Variants in EFR3A observed in about 807,000 individuals in gnomAD.
The protein encoded by EFR3A is EFR3 homolog A, also known as protein EFR3 homolog A.
In EFR3A, 76 loss-of-function variants were observed where a neutral mutation model predicts 104.4. The ratio of observed to expected loss-of-function variants is 0.73; its 90% CI spans 0.60 to 0.88. EFR3A has a LOEUF of 0.88. Ranked by LOEUF, EFR3A falls within the 40% of genes least tolerant of loss-of-function variation. The pLI is 0.00. For missense variants in EFR3A, 985 were observed against 1,012.5 expected, an observed-to-expected ratio of 0.97 and a Z score of 0.37; for synonymous variants, 330 against 330.0, an observed-to-expected ratio of 1.00 and a Z score of 0.00.
In EFR3A at chr8:131,970,467, C is replaced by G; in HGVS notation, c.992-9C>G. The G allele has an allele frequency of 6.2e-7, 1 of 1,612,110 alleles. No individual in the cohort carries two copies. Among genetic ancestry groups the G allele is most frequent in the Non-Finnish European group, 8.5e-7 (1 of 1,178,792 alleles). ...ACATGTATCTTCTCACATAAGTGAT[C>G]CTTTATAGGTCCGACAGTGCTGGAA... is the stretch of plus-strand genomic sequence containing the variant. On this transcript the variant is annotated splice_polypyrimidine_tract_variant and intron_variant, in intron 9 of 22. Transcript: ENST00000254624.
chr8:131,919,449 T>C (rs1313141555), intron 1 of EFR3A, among the ~76,000 whole-genome samples: 1 of 151,892 alleles, frequency 6.6e-6, no homozygotes, highest in Non-Finnish European at 1.5e-5. Context: ...TACAAAAAAT[T>C]AGCCGGGTAT....
Position 131,976,152 on chromosome 8 carries a change from A to G in EFR3A, c.1274+11A>G. 1 of 1,456,574 alleles carries G rather than the reference A, an allele frequency of 6.9e-7. No homozygotes were observed. The highest frequency in any genetic ancestry group is 1.7e-4 in the Middle Eastern group (1 of 5,734). The allele number at this position is 1,456,574 out of a possible 1,614,324, so 90.2% of individuals were successfully genotyped here. ...TATCAGTCAACTAGGGTATGTTCTC[A>G]GACTGTAAATTTGAACTTAATCTTG... On this transcript the variant is annotated intron_variant, in intron 11 of 22. Transcript: ENST00000254624.
rs146942442 is a variant in EFR3A at position 131,984,278 on chromosome 8, T to C, written c.1715T>C (p.Ile572Thr). The change falls in exon 15 of 23, where the codon ATT (isoleucine) becomes ACT (threonine). Residue 572 changes from isoleucine (I) to threonine (T), a missense_variant. Coordinates refer to ENST00000254624, the MANE Select transcript of EFR3A (RefSeq NM_015137.6). ...AATGAAGAAGTAGTTATTGATCTCA[T>C]TCGACTGGCCATTGCTTTACAGGTA... Reference protein sequence around the residue: ...LANEEVVIDLIRLAIALQDSA... With the variant: ...LANEEVVIDLTRLAIALQDSA... 32 of 1,604,362 alleles carry C rather than the reference T, an allele frequency of 2.0e-5. No homozygotes were observed. The African/African-American group carries it at 2.8e-4, about 14-fold the overall frequency.
In EFR3A at chr8:131,985,152, G is replaced by A. The variant is rs549906780; in HGVS notation, c.1869+92G>A. On this transcript the variant is annotated intron_variant, in intron 16 of 22. Coordinates refer to ENST00000254624, the MANE Select transcript of EFR3A (RefSeq NM_015137.6). ...GATTATTTTTAACTTTGGTGATTAC[G>A]TATCAAATTAAGGTAATTCTATAAA... 5.0e-5 allele frequency: 63 copies of A among 1,268,980 alleles called. 1 individual carries two copies. The highest frequency in any genetic ancestry group is 4.0e-4 in the South Asian group (28 of 69,502). The allele number at this position is 1,268,980 out of a possible 1,614,324, so 78.6% of individuals were successfully genotyped here.
rs1447000024 is a variant in EFR3A, at chr8:131,976,932, A to C, written c.1275-109A>C. The stretch of plus-strand genomic sequence containing the variant: ...AGCCATGACTTAAACTGTTACAAAA[A>C]TAAAATCTATTTAGCCAATAAGAAT... On this transcript the variant is annotated intron_variant, in intron 11 of 22. Transcript: ENST00000254624. The C allele has an allele frequency of 6.8e-6, 5 of 735,402 alleles. No homozygotes were observed. In the Admixed American group the frequency reaches 1.3e-4, roughly 19 times the overall value. 45.6% of individuals were successfully genotyped at this position (735,402 alleles called of 1,614,324 possible). A position where few individuals can be genotyped will look rare whatever the true frequency, so the allele number is the denominator to read the frequency against.
chr8:131,907,348 A>T (rs933685566), intron 1 of EFR3A, among the ~76,000 whole-genome samples: 3 of 152,222 alleles, frequency 2.0e-5, no homozygotes, highest in Admixed American at 6.5e-5. Flanking sequence ...GTTCACAGAT[A>T]ACTTGCCTCA....
At chr8:131,944,024 C>T (rs1818300321) in intron 2 of EFR3A, among the ~76,000 whole-genome samples, 1 of 152,046 alleles carries the variant, frequency 6.6e-6, no homozygotes. Context: ...AAACACACAT[C>T]TATACAATTT....
At chr8:131,929,884 G>T (rs1170511205) in intron 1 of EFR3A, among the ~76,000 whole-genome samples, 1 of 152,060 alleles carries the variant, frequency 6.6e-6, no homozygotes, top group African/African-American at 2.4e-5. Context: ...AGTAAAGCTG[G>T]GTTGGAGAAT....
At chr8:131,971,963 A>C in intron 10 of EFR3A, among the ~76,000 whole-genome samples, 1 of 152,168 alleles carries the variant, frequency 6.6e-6, no homozygotes, top group African/African-American at 2.4e-5. Flanking sequence ...AATCATTTAT[A>C]ATTCTTGTCT....
intron 8 of EFR3A, among the ~76,000 whole-genome samples, chr8:131,960,858 G>C (rs532404344): frequency 1.3e-5 from 2 of 152,078 alleles, no homozygotes; most frequent in Admixed American, 1.3e-4. Flanking sequence ...TCACTATTAG[G>C]CTCTTCCTTA....
intron 22 of EFR3A, 110 bp from the exon 23 acceptor site, chr8:132,010,680 C>A: frequency 7.6e-7 from 1 of 1,310,526 alleles, no homozygotes; most frequent in Non-Finnish European, 1.0e-6. Flanking sequence ...GCATTGATCA[C>A]TGCAATTAAG....
intron 4 of EFR3A, among the ~76,000 whole-genome samples, chr8:131,947,961 T>G (rs1818517181): frequency 1.3e-5 from 2 of 152,130 alleles, no homozygotes; most frequent in South Asian, 4.1e-4. Flanking sequence ...AAAATAAGTT[T>G]GGGAAAGCAT....
chr8:131,941,303 T>C (rs1810397667), intron 2 of EFR3A, among the ~76,000 whole-genome samples: 1 of 152,106 alleles, frequency 6.6e-6, no homozygotes. Context: ...TCAACCTTTC[T>C]AAGACTTCTG....
intron 1 of EFR3A, among the ~76,000 whole-genome samples, chr8:131,929,688 A>C (rs1817487377): frequency 6.6e-6 from 1 of 152,114 alleles, no homozygotes; most frequent in South Asian, 2.1e-4. Flanking sequence ...TCACTAAATG[A>C]TTGTTAAAAG....
At chr8:131,968,110 T>A (rs981959212) in intron 8 of EFR3A, among the ~76,000 whole-genome samples, 185 bp from the exon 9 acceptor site, 1 of 152,166 alleles carries the variant, frequency 6.6e-6, no homozygotes, top group African/African-American at 2.4e-5. Context: ...GTGTCATAAA[T>A]ATTTTCCAGC....
intron 18 of EFR3A, among the ~76,000 whole-genome samples, chr8:131,995,082 A>T (rs570990315): frequency 6.6e-6 from 1 of 152,208 alleles, no homozygotes; most frequent in Non-Finnish European, 1.5e-5. Flanking sequence ...ACTCAGAAAA[A>T]TTTGCAAGTA....
chr8:131,908,751 A>C (rs1816374186), intron 1 of EFR3A, among the ~76,000 whole-genome samples: 1 of 152,198 alleles, frequency 6.6e-6, no homozygotes, highest in Non-Finnish European at 1.5e-5. Context: ...GGATCCCATC[A>C]GTTTTACACT....
chr8:131,907,849 C>G (rs948948135), intron 1 of EFR3A, among the ~76,000 whole-genome samples: 2 of 151,670 alleles, frequency 1.3e-5, no homozygotes, highest in African/African-American at 4.8e-5. Context: ...CCTCCTTCCT[C>G]CCTTCTTCTA....
intron 18 of EFR3A, among the ~76,000 whole-genome samples, chr8:131,991,694 T>C (rs781242077): frequency 2.6e-5 from 4 of 152,076 alleles, no homozygotes; most frequent in Non-Finnish European, 5.9e-5. Flanking sequence ...ATGGAATGGC[T>C]TTAGACAGTT....
Sources: gnomAD v4.1 joint callset for allele counts (sites outside exome capture counted in the v4.1 genomes callset) on GRCh38, gnomAD v4.1.1 for gene constraint, MANE v1.5 for transcripts, NCBI Gene and HGNC (gene_info 2026-07-23, HGNC 2026-07-21) for gene names.